Variants in GRAMD1B observed in about 807,000 individuals in gnomAD.
GRAMD1B encodes protein Aster-B.
In GRAMD1B, 37 loss-of-function variants were observed where a neutral mutation model predicts 99.7. The observed-to-expected ratio is 0.37, with a 90% CI of 0.29 to 0.49. The LOEUF is 0.49. Ranked by LOEUF, GRAMD1B falls within the 20% of genes least tolerant of loss-of-function variation. The pLI, the probability that GRAMD1B is intolerant of heterozygous loss-of-function variation, is 0.98. For synonymous variants in GRAMD1B, 427 were observed against 387.6 expected (o/e 1.10, Z -1.19); for missense variants, 888 against 1,009.2 (o/e 0.88, Z 1.63).
At chr11:123,452,972 T>G (rs1306060941) in intron 1 of GRAMD1B, among the ~76,000 whole-genome samples, 1 of 152,202 alleles carries the variant, frequency 6.6e-6, no homozygotes, top group African/African-American at 2.4e-5. Flanking sequence ...TTTAGATAAT[T>G]TTGTGTTACT....
At chr11:123,368,679 CAAA>C (rs58877377) in intron 1 of GRAMD1B, among the ~76,000 whole-genome samples, 27 of 78,062 alleles carry the variant, frequency 3.5e-4, no homozygotes, top group African/African-American at 8.1e-4. Context: ...GACTCTGTCT[CAAA>C]AAAAAAAAAA....
At chr11:123,414,865 G>A (rs1243699675) in intron 1 of GRAMD1B, among the ~76,000 whole-genome samples, 2 of 152,158 alleles carry the variant, frequency 1.3e-5, no homozygotes, top group African/African-American at 4.8e-5. Context: ...GTGGAGCAGG[G>A]ATGGAGATGA....
chr11:123,388,129 C>CAAAA (rs34085785), intron 1 of GRAMD1B, among the ~76,000 whole-genome samples: 2,985 of 71,294 alleles, frequency 0.042, 107 homozygotes, highest in Middle Eastern at 0.1. Flanking sequence ...TCCTCCTCCT[C>CAAAA]AAAAAAAAAA....
At chr11:123,470,971 C>T (rs1950989092) in intron 1 of GRAMD1B, among the ~76,000 whole-genome samples, 1 of 152,166 alleles carries the variant, frequency 6.6e-6, no homozygotes. Context: ...ACTTGAAATA[C>T]TGGTGTGACT....
In GRAMD1B at chr11:123,627,225, C is replaced by T. The variant is rs1955546120; in HGVS notation, c.*4630C>T. 1 of 152,264 alleles carries T rather than the reference C, an allele frequency of 6.6e-6. No homozygotes were observed. The highest frequency in any genetic ancestry group is 1.5e-5 in the Non-Finnish European group (1 of 68,064). 9.4% of individuals were successfully genotyped at this position (152,264 alleles called of 1,614,324 possible). A position where few individuals can be genotyped will look rare whatever the true frequency, so the allele number is the denominator to read the frequency against. ...AGACATTGCAGAAGCAAAAGGGTGG[C>T]CTCTGCTCCAGGCAAGGCAGCTGGC... On this transcript the variant is annotated 3_prime_UTR_variant, in exon 20 of 20. Transcript: ENST00000635736.
At position 123,394,148 on chromosome 11, in the gene GRAMD1B, G is replaced by C. The variant is rs78392376; in HGVS notation, c.-176+35349G>C. 7.0e-3 allele frequency among the ~76,000 whole-genome samples: 1,071 copies of C among 152,236 alleles called. 19 individuals carry two copies. The highest frequency in any genetic ancestry group is 0.025 in the African/African-American group (1,029 of 41,550). On this transcript the variant is annotated intron_variant, in intron 1 of 20. Coordinates refer to the GRAMD1B transcript ENST00000638157. The stretch of plus-strand genomic sequence containing the variant: ...GAAATGAGATGCTATTAGCAATTAC[G>C]CATGAACCAGACATGTAAATTAGTA...
At chr11:123,536,476 C>G (rs557417049) in intron 2 of GRAMD1B, among the ~76,000 whole-genome samples, 80 of 152,206 alleles carry the variant, frequency 5.3e-4, no homozygotes, top group African/African-American at 1.9e-3. Flanking sequence ...ACATCTACCC[C>G]AGAGGGCTGT....
At chr11:123,539,856 G>A (rs942341723) in intron 2 of GRAMD1B, among the ~76,000 whole-genome samples, 6 of 152,036 alleles carry the variant, frequency 3.9e-5, no homozygotes, top group African/African-American at 1.4e-4. Flanking sequence ...TTCTGCCTAC[G>A]GAAATCCCAG....
In GRAMD1B at chr11:123,627,039, T is replaced by C. The variant is rs1246159292; in HGVS notation, c.*4444T>C. ...TGCAACAGCTCCGGGGTCTTGTGAC[T>C]GGAGATCCTCAACAGGCCCTGGAGC... is the stretch of plus-strand genomic sequence containing the variant. On this transcript the variant is annotated 3_prime_UTR_variant, in exon 20 of 20. Transcript: ENST00000635736. 6.6e-6 allele frequency: 1 copy of C among 152,250 alleles called. No homozygotes were observed. Among genetic ancestry groups the C allele is most frequent in the African/African-American group, 2.4e-5 (1 of 41,454 alleles). The allele number at this position is 152,250 out of a possible 1,614,324, so 9.4% of individuals were successfully genotyped here. A position where few individuals can be genotyped will look rare whatever the true frequency, so the allele number is the denominator to read the frequency against.
chr11:123,379,514 A>G (rs1946801820), intron 1 of GRAMD1B, among the ~76,000 whole-genome samples: 1 of 152,158 alleles, frequency 6.6e-6, no homozygotes, highest in African/African-American at 2.4e-5. Flanking sequence ...TCATCACTTC[A>G]TTCCTGTTTA....
At chr11:123,462,997 A>G (rs1950510071) in intron 1 of GRAMD1B, among the ~76,000 whole-genome samples, 2 of 147,848 alleles carry the variant, frequency 1.4e-5, no homozygotes, top group South Asian at 2.1e-4. Flanking sequence ...CTTCATCTTT[A>G]TTATTTATTT....
chr11:123,548,786 T>G (rs1159118152), intron 2 of GRAMD1B, among the ~76,000 whole-genome samples: 3 of 152,118 alleles, frequency 2.0e-5, no homozygotes, highest in Admixed American at 1.3e-4. Flanking sequence ...TTTTAATTTT[T>G]TAAATAGAAT....
At chr11:123,449,634 G>A (rs1949791104) in intron 1 of GRAMD1B, among the ~76,000 whole-genome samples, 1 of 151,270 alleles carries the variant, frequency 6.6e-6, no homozygotes, top group African/African-American at 2.4e-5. Context: ...GAGATTGCTG[G>A]TGAGATATTG....
intron 2 of GRAMD1B, chr11:123,526,001 T>C (rs1942683153): frequency 1.5e-6 from 1 of 665,872 alleles, no homozygotes; most frequent in Admixed American, 2.3e-5. Context: ...CTTTCTCCCT[T>C]TCTCTCTTTC....
In GRAMD1B at chr11:123,397,411, A is replaced by C. The variant is rs551031000; in HGVS notation, c.-176+38612A>C. Among the ~76,000 whole-genome samples the C allele has an allele frequency of 1.4e-3, 102 of 71,126 alleles. 1 individual carries two copies. Among genetic ancestry groups the C allele is most frequent in the African/African-American group, 8.2e-3 (97 of 11,812 alleles). 46.7% of individuals were successfully genotyped at this position (71,126 alleles called of 152,430 possible). ...GACAGAGCGAGACTCTGTCTCAAAAAACAAAACAAAACAAAACAAAACAAA... is the reference window on the plus strand; with the variant it reads ...GACAGAGCGAGACTCTGTCTCAAAACACAAAACAAAACAAAACAAAACAAA... On this transcript the variant is annotated intron_variant, in intron 1 of 20. Coordinates refer to the GRAMD1B transcript ENST00000638157.
intron 2 of GRAMD1B, among the ~76,000 whole-genome samples, chr11:123,564,827 C>T (rs903724412): frequency 6.6e-5 from 10 of 152,164 alleles, no homozygotes; most frequent in African/African-American, 1.9e-4. Context: ...AACTCCTTGC[C>T]TTGTTCCAGT....
intron 1 of GRAMD1B, among the ~76,000 whole-genome samples, chr11:123,449,206 T>A (rs1949771331): frequency 6.6e-6 from 1 of 152,226 alleles, no homozygotes. Flanking sequence ...TGGAGTGTGA[T>A]AACGTGCTCG....
At chr11:123,481,896 G>A (rs59495779) in intron 2 of GRAMD1B, among the ~76,000 whole-genome samples, 2,208 of 152,204 alleles carry the variant, frequency 0.015, 62 homozygotes, top group African/African-American at 0.05. Flanking sequence ...TCTGTTTATC[G>A]TTTTTATCAA....
At chr11:123,449,713 G>GTTTTTTTTTTTT (rs1245614513) in intron 1 of GRAMD1B, among the ~76,000 whole-genome samples, 16 of 79,534 alleles carry the variant, frequency 2.0e-4, no homozygotes, top group Non-Finnish European at 3.1e-4. Flanking sequence ...ACCATGCCTG[G>GTTTTTTTTTTTT]CTTTTTTTTT....
Sources: allele counts gnomAD v4.1 joint callset (sites outside exome capture counted in the v4.1 genomes callset), GRCh38; gene constraint gnomAD v4.1.1; transcripts MANE v1.5; gene names NCBI Gene and HGNC (gene_info 2026-07-23, HGNC 2026-07-21).